The following TMEM117 variants were observed in gnomAD, a reference collection of about 807,000 sequenced individuals.
The protein encoded by TMEM117 is transmembrane protein 117.
Under a neutral mutation model 52.4 loss-of-function variants are expected in TMEM117, and 27 were observed. The observed-to-expected ratio is 0.51, with a 90% CI of 0.38 to 0.71. The LOEUF is 0.71. TMEM117 is among the 30% of genes least tolerant of loss of function. The pLI is 0.00. For missense variants in TMEM117, 556 were observed against 630.5 expected, an observed-to-expected ratio of 0.88 and a Z score of 1.26; for synonymous variants, 215 against 206.3, an observed-to-expected ratio of 1.04 and a Z score of -0.36.
intron 5 of TMEM117, among the ~76,000 whole-genome samples, chr12:44,266,199 A>G (rs77466991): frequency 0.052 from 7,928 of 152,212 alleles, 504 homozygotes; most frequent in African/African-American, 0.15. Context: ...ATTTTGAAGA[A>G]CTACCAAACT....
intron 3 of TMEM117, among the ~76,000 whole-genome samples, chr12:44,090,849 G>GTTTTTTTTTTTTTTTTTT (rs541939145): frequency 3.0e-5 from 3 of 101,634 alleles, no homozygotes; most frequent in African/African-American, 1.2e-4. Flanking sequence ...GTTTTTTTTT[G>GTTTTTTTTTTTTTTTTTT]TTTTTTTTTT....
At chr12:43,800,317 C>A in the TMEM117 span, 2 of 684,602 alleles carry the variant, frequency 2.9e-6, no homozygotes, top group Non-Finnish European at 4.9e-6. Flanking sequence ...TACAGTATTT[C>A]TCTTATTCTC....
chr12:44,317,529 G>A (rs371287906), intron 6 of TMEM117, among the ~76,000 whole-genome samples: 2 of 151,842 alleles, frequency 1.3e-5, no homozygotes, highest in Admixed American at 6.6e-5. Context: ...CAAGTAGGTG[G>A]GATTACAGGT....
intron 3 of TMEM117, among the ~76,000 whole-genome samples, chr12:44,038,243 G>T (rs1946741696): frequency 6.6e-6 from 1 of 152,106 alleles, no homozygotes; most frequent in Non-Finnish European, 1.5e-5. Flanking sequence ...AAAAGCTGTG[G>T]CCCCTTGGGG....
At chr12:43,811,057 C>CTGT in the TMEM117 span, among the ~76,000 whole-genome samples, 2 of 152,184 alleles carry the variant, frequency 1.3e-5, no homozygotes, top group Non-Finnish European at 2.9e-5. Flanking sequence ...GTGAGATAGA[C>CTGT]TGTTGCTACA....
intron 2 of TMEM117, among the ~76,000 whole-genome samples, chr12:43,916,391 T>C (rs1944603375): frequency 6.6e-6 from 1 of 152,226 alleles, no homozygotes; most frequent in African/African-American, 2.4e-5. Flanking sequence ...ATTAACATTT[T>C]GGCAGTTTTC....
chr12:44,205,816 T>G (rs1949557552), intron 4 of TMEM117, among the ~76,000 whole-genome samples: 1 of 152,196 alleles, frequency 6.6e-6, no homozygotes, highest in South Asian at 2.1e-4. Flanking sequence ...CTGGTGGGAA[T>G]GTAAATGAGT....
intron 3 of TMEM117, among the ~76,000 whole-genome samples, chr12:44,077,216 C>T (rs367746548): frequency 2.6e-5 from 4 of 152,264 alleles, no homozygotes; most frequent in East Asian, 3.9e-4. Context: ...ACATTTCTAT[C>T]GCCTTCCAAG....
intron 3 of TMEM117, among the ~76,000 whole-genome samples, chr12:43,987,375 A>G (rs890248404): frequency 4.6e-5 from 7 of 152,206 alleles, no homozygotes; most frequent in African/African-American, 1.4e-4. Context: ...TGCACATGCT[A>G]GAGTGATTTT....
At position 44,126,554 on chromosome 12, in the gene TMEM117, C is replaced by T. The variant is rs1948328237; in HGVS notation, c.411-16971C>T. ...TCAGGATTTCAGAAATGGTTTCTGA[C>T]CTTCAAAGTTCCAGCAGTTGGTGAT... On this transcript the variant is annotated intron_variant, in intron 3 of 7. Transcript: ENST00000266534. Among the ~76,000 whole-genome samples, 3 of 152,172 alleles carry T rather than the reference C, an allele frequency of 2.0e-5. No individual in the cohort carries two copies. In the South Asian group the frequency reaches 6.2e-4, roughly 32 times the overall value.
intron 3 of TMEM117, among the ~76,000 whole-genome samples, chr12:44,096,839 G>A (rs1592512676): frequency 1.3e-5 from 2 of 151,964 alleles, no homozygotes; most frequent in East Asian, 3.9e-4. Flanking sequence ...AAAAGCAATG[G>A]CAACAAAAGA....
At chr12:44,036,204 A>G (rs1256555084) in intron 3 of TMEM117, among the ~76,000 whole-genome samples, 3 of 152,244 alleles carry the variant, frequency 2.0e-5, no homozygotes, top group Non-Finnish European at 2.9e-5. Flanking sequence ...ACAATGATAT[A>G]TGCATTTTGA....
intron 5 of TMEM117, among the ~76,000 whole-genome samples, chr12:44,286,214 T>C (rs1950636251): frequency 6.6e-6 from 1 of 151,700 alleles, no homozygotes; most frequent in Non-Finnish European, 1.5e-5. Context: ...ATAATAACTG[T>C]GCAGCATGAA....
chr12:44,184,815 A>C (rs1949254194), intron 4 of TMEM117, among the ~76,000 whole-genome samples: 1 of 152,216 alleles, frequency 6.6e-6, no homozygotes, highest in African/African-American at 2.4e-5. Flanking sequence ...GTGAGCTAGA[A>C]AATGCATGTT....
At chr12:43,861,925 G>A (rs987105292) in intron 2 of TMEM117, among the ~76,000 whole-genome samples, 35 of 152,168 alleles carry the variant, frequency 2.3e-4, no homozygotes, top group African/African-American at 8.0e-4. Context: ...TGTCTGACAC[G>A]TGGTGAGGTT....
intron 2 of TMEM117, among the ~76,000 whole-genome samples, chr12:43,896,276 AG>A (rs1253133926): frequency 6.6e-6 from 1 of 152,230 alleles, no homozygotes; most frequent in Non-Finnish European, 1.5e-5. Flanking sequence ...TCAGACTATC[AG>A]TGGAGACAGT....
chr12:44,060,804 G>A (rs1947128162), intron 3 of TMEM117, among the ~76,000 whole-genome samples: 1 of 152,180 alleles, frequency 6.6e-6, no homozygotes, highest in Admixed American at 6.5e-5. Flanking sequence ...ACAGGAGGAA[G>A]TATGAACTCT....
At chr12:44,145,150 C>T (rs1000227573) in intron 4 of TMEM117, among the ~76,000 whole-genome samples, 1 of 152,104 alleles carries the variant, frequency 6.6e-6, no homozygotes, top group African/African-American at 2.4e-5. Context: ...GAGCGAGACT[C>T]CGTCTCAAAA....
chr12:43,919,314 C>A (rs1476145862), intron 2 of TMEM117, among the ~76,000 whole-genome samples: 5 of 152,138 alleles, frequency 3.3e-5, no homozygotes, highest in African/African-American at 1.2e-4. Context: ...CGTCCAGAAC[C>A]AGACAACCAC....
Sources: allele counts gnomAD v4.1 joint callset (sites outside exome capture counted in the v4.1 genomes callset), GRCh38; gene constraint gnomAD v4.1.1; transcripts MANE v1.5; gene names NCBI Gene and HGNC (gene_info 2026-07-23, HGNC 2026-07-21).